NCR1: variants seen among roughly 807,000 people sequenced by gnomAD.
The protein encoded by NCR1 is NK cell-activating receptor.
In NCR1, 30 loss-of-function variants were observed where a neutral mutation model predicts 32.5. The observed-to-expected ratio is 0.92, with a 90% CI of 0.69 to 1.25. The LOEUF is 1.25. NCR1 is among the 50% of genes most tolerant of loss of function. The pLI is 0.00. For synonymous variants in NCR1, 169 were observed against 143.4 expected (o/e 1.18, Z -1.28); for missense variants, 369 against 380.7 (o/e 0.97, Z 0.26).
intron 4 of NCR1, 85 bp downstream of exon 4, chr19:54,909,608 G>T: frequency 1.4e-6 from 2 of 1,477,144 alleles, no homozygotes; most frequent in South Asian, 2.6e-5. Context: ...GATGGGGAGG[G>T]TGTCCAAGGG....
chr19:54,929,067 T>C, the NCR1 span, among the ~76,000 whole-genome samples: 2 of 152,078 alleles, frequency 1.3e-5, no homozygotes, highest in Non-Finnish European at 2.9e-5. Context: ...CTCAGGGGGA[T>C]GGGTTAAGAA....
chr19:54,924,007 G>C, the NCR1 span: 3 of 938,138 alleles, frequency 3.2e-6, no homozygotes, highest in Non-Finnish European at 5.0e-6. Flanking sequence ...TTGCTCTGTT[G>C]CCCAGGCTGG....
At chr19:54,901,309 C>T (rs918749765), upstream of NCR1, among the ~76,000 whole-genome samples, 6 of 128,772 alleles carry the variant, frequency 4.7e-5, no homozygotes, top group Non-Finnish European at 7.7e-5. Flanking sequence ...TGCAGAGAGC[C>T]GAGATTGCGC....
the NCR1 span, among the ~76,000 whole-genome samples, chr19:54,921,431 T>C: frequency 1.3e-5 from 2 of 152,150 alleles, no homozygotes; most frequent in Non-Finnish European, 2.9e-5. Context: ...CTTCATGGGA[T>C]CATTCAGTGC....
At chr19:54,909,568 ACCTGGAGC>A in intron 4 of NCR1, 45 bp downstream of exon 4, 2 of 1,567,568 alleles carry the variant, frequency 1.3e-6, no homozygotes, top group Non-Finnish European at 1.7e-6. Flanking sequence ...GCCATGTGCT[ACCTGGAGC>A]CCTGAGGGAT....
At chr19:54,914,774 C>T (rs543890798), downstream of NCR1, among the ~76,000 whole-genome samples, 1 of 150,020 alleles carries the variant, frequency 6.7e-6, no homozygotes, top group South Asian at 2.1e-4. Context: ...CAGTCTCACT[C>T]TGTAGCCCAA....
upstream of NCR1, among the ~76,000 whole-genome samples, chr19:54,903,547 TG>T (rs1477464434): frequency 4.9e-5 from 7 of 143,976 alleles, no homozygotes; most frequent in East Asian, 1.5e-3. Context: ...CATGTATGCA[TG>T]TGTGTATATA....
At chr19:54,911,348 C>CAAAA (rs1322243831) in intron 5 of NCR1, among the ~76,000 whole-genome samples, 2 of 132,560 alleles carry the variant, frequency 1.5e-5, no homozygotes, top group Admixed American at 1.6e-4. Context: ...GACTCCGTCT[C>CAAAA]AAAAAAAAAG....
the NCR1 span, among the ~76,000 whole-genome samples, chr19:54,921,899 ATTT>A: frequency 6.9e-6 from 1 of 145,330 alleles, no homozygotes; most frequent in East Asian, 2.0e-4. Flanking sequence ...CAATGCTCTT[ATTT>A]TTTTTTTTTC....
the NCR1 span, among the ~76,000 whole-genome samples, chr19:54,924,227 C>G: frequency 6.6e-6 from 1 of 152,110 alleles, no homozygotes; most frequent in Non-Finnish European, 1.5e-5. Flanking sequence ...CTCGGCCTCC[C>G]AAAGCCATGG....
At position 54,912,935 on chromosome 19, in the gene NCR1, G is replaced by A. The variant is rs78365164; in HGVS notation, c.*64G>A. On this transcript the variant is annotated 3_prime_UTR_variant, in exon 7 of 7. Coordinates refer to ENST00000291890, the MANE Select transcript of NCR1 (RefSeq NM_004829.7). ...AAAGCTGGTGTTGAGCCTGGGCGGC[G>A]TGAGCTCTGTGTTGGACCCACGGAG... The A allele has an allele frequency of 6.5e-3, 9,854 of 1,525,956 alleles. 427 individuals carry two copies. The Admixed American group carries it at 0.093, about 14-fold the overall frequency. 94.5% of individuals were successfully genotyped at this position (1,525,956 alleles called of 1,614,324 possible).
At chr19:54,933,357 G>C in the NCR1 span, among the ~76,000 whole-genome samples, 1 of 152,144 alleles carries the variant, frequency 6.6e-6, no homozygotes, top group Admixed American at 6.6e-5. Flanking sequence ...ATGTTAACCA[G>C]GATGGTCTCC....
At chr19:54,936,435 G>A in the NCR1 span, 1 of 1,613,098 alleles carries the variant, frequency 6.2e-7, no homozygotes, top group Non-Finnish European at 8.5e-7. Context: ...TTTAATCCTA[G>A]GGAAAAGCAG....
In NCR1 at chr19:54,906,809, T is replaced by A. The variant is rs767137599; in HGVS notation, c.355+2T>A. ...ACTTGCTGGATCTGGTGGTAACAGG[T>A]AACTGTCCGGTTCTCTAACTGGAGA... On this transcript the variant is annotated splice_donor_variant, in intron 3 of 6. Transcript: ENST00000291890. LOFTEE classifies it high-confidence loss of function. 6.2e-7 allele frequency: 1 copy of A among 1,613,704 alleles called. No homozygotes were observed. Among genetic ancestry groups the A allele is most frequent in the African/African-American group, 1.3e-5 (1 of 74,894 alleles).
chr19:54,929,696 T>C, the NCR1 span, among the ~76,000 whole-genome samples: 2 of 152,130 alleles, frequency 1.3e-5, no homozygotes, highest in Non-Finnish European at 2.9e-5. Flanking sequence ...GGGGCCATTG[T>C]TATATATATT....
chr19:54,908,620 C>T (rs1310140048), intron 3 of NCR1, among the ~76,000 whole-genome samples: 1 of 151,340 alleles, frequency 6.6e-6, no homozygotes, highest in Admixed American at 6.6e-5. Flanking sequence ...GGGGGCTGCC[C>T]CCCAACCTCC....
At position 54,912,670 on chromosome 19, in the gene NCR1, C is replaced by T. The variant is rs1196569451; in HGVS notation, c.734-20C>T. ...GTCCTTACATCCCTGTCAGCGATCA[C>T]CCTGTTCTCCTGCCTACAGACCATG... On this transcript the variant is annotated intron_variant, in intron 6 of 6. Transcript: ENST00000291890. The T allele has an allele frequency of 3.2e-6, 5 of 1,546,220 alleles. No individual in the cohort carries two copies. Among genetic ancestry groups the T allele is most frequent in the African/African-American group, 1.4e-5 (1 of 72,628 alleles).
chr19:54,938,145 G>A, the NCR1 span: 4 of 1,614,036 alleles, frequency 2.5e-6, no homozygotes, highest in Non-Finnish European at 2.5e-6. Flanking sequence ...GAAACTTGAG[G>A]TTGCTGTTTG....
the NCR1 span, among the ~76,000 whole-genome samples, chr19:54,935,237 A>T: frequency 6.9e-5 from 10 of 145,040 alleles, no homozygotes; most frequent in South Asian, 2.1e-4. Flanking sequence ...GGAAAAAAAA[A>T]TTTTTTTTTT....
Sources: gnomAD v4.1 joint callset for allele counts (sites outside exome capture counted in the v4.1 genomes callset) on GRCh38, gnomAD v4.1.1 for gene constraint, MANE v1.5 for transcripts, NCBI Gene and HGNC (gene_info 2026-07-23, HGNC 2026-07-21) for gene names.